ATRNL1: variants seen among roughly 807,000 people sequenced by gnomAD.
ATRNL1 encodes the protein attractin like 1.
In ATRNL1, 95 loss-of-function variants were observed where a neutral mutation model predicts 182.7. The observed-to-expected ratio is 0.52, with a 90% confidence interval of 0.44 to 0.62. The LOEUF (loss-of-function observed/expected upper bound fraction) is 0.62. ATRNL1 is among the 20% of genes least tolerant of loss of function. The pLI is 0.00. For synonymous variants in ATRNL1, 576 were observed against 568.3 expected (o/e 1.01, Z -0.19); for missense variants, 1,471 against 1,679.5 (o/e 0.88, Z 2.17).
At chr10:115,602,690 C>T (rs943136131) in intron 26 of ATRNL1, among the ~76,000 whole-genome samples, 4 of 151,990 alleles carry the variant, frequency 2.6e-5, no homozygotes, top group Non-Finnish European at 5.9e-5. Context: ...GGTGAAACCC[C>T]GTCTCTACTA....
intron 26 of ATRNL1, among the ~76,000 whole-genome samples, chr10:115,554,942 A>T (rs1853225027): frequency 6.6e-6 from 1 of 151,828 alleles, no homozygotes; most frequent in Non-Finnish European, 1.5e-5. Flanking sequence ...ATTCTAAAAA[A>T]TGTAGTCTCG....
At chr10:115,213,306 A>G (rs1564825022) in intron 8 of ATRNL1, among the ~76,000 whole-genome samples, 1 of 152,072 alleles carries the variant, frequency 6.6e-6, no homozygotes, top group Admixed American at 6.6e-5. Context: ...TTGCAGTCTT[A>G]GGCCTTGTGG....
At chr10:115,937,254 T>C (rs1404663788) in intron 28 of ATRNL1, among the ~76,000 whole-genome samples, 2 of 152,208 alleles carry the variant, frequency 1.3e-5, no homozygotes, top group Admixed American at 6.5e-5. Flanking sequence ...TAAAATATTA[T>C]GATATGTTAA....
rs1006695780 is a variant in ATRNL1 at position 115,323,204 on chromosome 10, T to C, written c.3037+7468T>C. Among the ~76,000 whole-genome samples the C allele has an allele frequency of 1.8e-4, 28 of 152,306 alleles. 1 individual carries two copies. The highest frequency in any genetic ancestry group is 1.8e-3 in the Admixed American group (27 of 15,306). ...TTCCTAGTTCTCTCTGTATTTTAGA[T>C]TATATAATCTGTCAGTCTATCTTTA... On this transcript the variant is annotated intron_variant, in intron 18 of 28. Transcript: ENST00000355044.
At chr10:115,751,252 G>T (rs1555070549) in intron 27 of ATRNL1, among the ~76,000 whole-genome samples, 2 of 152,046 alleles carry the variant, frequency 1.3e-5, no homozygotes, top group African/African-American at 4.8e-5. Context: ...AAAAGGCAAT[G>T]AAATGGATTT....
chr10:115,155,029 GA>G (rs1170548792), intron 5 of ATRNL1, among the ~76,000 whole-genome samples: 1 of 152,090 alleles, frequency 6.6e-6, no homozygotes, highest in Non-Finnish European at 1.5e-5. Flanking sequence ...TCCTTTTGCT[GA>G]ATTGATCCCT....
At chr10:115,809,878 TA>T (rs150836993) in intron 27 of ATRNL1, among the ~76,000 whole-genome samples, 6,899 of 152,024 alleles carry the variant, frequency 0.045, 543 homozygotes, top group African/African-American at 0.15. Flanking sequence ...TTTCATATAT[TA>T]GGGGGAAACA....
chr10:115,178,362 C>T (rs1260498400), intron 8 of ATRNL1, among the ~76,000 whole-genome samples: 1 of 152,084 alleles, frequency 6.6e-6, no homozygotes, highest in Admixed American at 6.6e-5. Flanking sequence ...AATCAGCTTG[C>T]AGTAAAGGTT....
In ATRNL1 at chr10:115,802,414, C is replaced by G. The variant is rs181029706; in HGVS notation, c.3904-45463C>G. Among the ~76,000 whole-genome samples, 40 of 152,202 alleles carry G rather than the reference C, an allele frequency of 2.6e-4. No individual in the cohort carries two copies. In the Middle Eastern group the frequency reaches 0.01, roughly 39 times the overall value. On this transcript the variant is annotated intron_variant, in intron 27 of 28. Transcript: ENST00000355044. ...TATTTGAAAAGAAGGGATGCTAACT[C>G]TCAGAAGCATGTCATAGTAAGCACA...
intron 19 of ATRNL1, among the ~76,000 whole-genome samples, chr10:115,371,887 G>T (rs914427126): frequency 7.9e-5 from 12 of 152,170 alleles, no homozygotes; most frequent in Non-Finnish European, 1.6e-4. Flanking sequence ...TAATTCCCAT[G>T]TGTTGTGGAA....
intron 25 of ATRNL1, among the ~76,000 whole-genome samples, chr10:115,521,138 TTTGTTGTTGTTG>T (rs68061119): frequency 1.1e-4 from 16 of 149,064 alleles, no homozygotes; most frequent in Middle Eastern, 3.4e-3. Flanking sequence ...TAAAACAACT[TTTGTTGTTGTTG>T]TTGTTGTTGT....
At chr10:115,400,929 T>G (rs959814916) in intron 20 of ATRNL1, among the ~76,000 whole-genome samples, 5 of 152,120 alleles carry the variant, frequency 3.3e-5, no homozygotes, top group Admixed American at 6.6e-5. Flanking sequence ...TGGGGGCATT[T>G]AACCCATTTA....
rs1458628625 is a variant in ATRNL1 at position 115,738,987 on chromosome 10, A to C, written c.3903+11632A>C. Among the ~76,000 whole-genome samples, 3 of 152,220 alleles carry C rather than the reference A, an allele frequency of 2.0e-5. No individual in the cohort carries two copies. The East Asian group carries it at 5.8e-4, about 29-fold the overall frequency. Reference sequence around the variant, plus strand: ...ATATTTATAATTATTGTATACATCCAAAATTAAAATTTTACAAATGAAATT... The same window carrying C: ...ATATTTATAATTATTGTATACATCCCAAATTAAAATTTTACAAATGAAATT... On this transcript the variant is annotated intron_variant, in intron 27 of 28. Transcript: ENST00000355044.
chr10:115,217,863 A>AT (rs1201720796), intron 9 of ATRNL1, among the ~76,000 whole-genome samples: 8 of 151,938 alleles, frequency 5.3e-5, no homozygotes, highest in Admixed American at 5.3e-4. Context: ...GCACTAATTG[A>AT]TTTTTTCATT....
At chr10:115,600,511 C>A (rs557660643) in intron 26 of ATRNL1, among the ~76,000 whole-genome samples, 80 of 152,138 alleles carry the variant, frequency 5.3e-4, no homozygotes, top group African/African-American at 1.8e-3. Flanking sequence ...TATTGAATAT[C>A]TTTTCATCTG....
At chr10:115,334,871 T>C (rs1417720430) in intron 19 of ATRNL1, among the ~76,000 whole-genome samples, 3 of 152,154 alleles carry the variant, frequency 2.0e-5, no homozygotes, top group African/African-American at 7.2e-5. Flanking sequence ...TGGAACCAAA[T>C]CTGGGCTGAA....
chr10:115,910,975 G>A (rs898602203), intron 28 of ATRNL1, among the ~76,000 whole-genome samples: 1 of 152,150 alleles, frequency 6.6e-6, no homozygotes, highest in Non-Finnish European at 1.5e-5. Context: ...CAACAACCCA[G>A]TGTAAAACTC....
At chr10:115,880,630 A>G (rs1222307084) in intron 28 of ATRNL1, among the ~76,000 whole-genome samples, 9 of 152,156 alleles carry the variant, frequency 5.9e-5, no homozygotes, top group African/African-American at 9.7e-5. Context: ...TCTCAAAGAC[A>G]AAAACAAAAA....
intron 26 of ATRNL1, among the ~76,000 whole-genome samples, chr10:115,601,347 C>G (rs1035853607): frequency 6.6e-6 from 1 of 152,036 alleles, no homozygotes; most frequent in Non-Finnish European, 1.5e-5. Context: ...TAGAAAAAAT[C>G]GTAATTATTG....
Sources: allele counts gnomAD v4.1 joint callset (sites outside exome capture counted in the v4.1 genomes callset), GRCh38; gene constraint gnomAD v4.1.1; transcripts MANE v1.5; gene names NCBI Gene and HGNC (gene_info 2026-07-23, HGNC 2026-07-21).